Variants in INVS observed in about 807,000 individuals in gnomAD.
The protein encoded by INVS is inversin.
Under a neutral mutation model 108.8 loss-of-function variants are expected in INVS, and 86 were observed. The ratio of observed to expected loss-of-function variants is 0.79; its 90% CI spans 0.66 to 0.95. The LOEUF (loss-of-function observed/expected upper bound fraction) is 0.95. Among genes scored for constraint, INVS ranks in the 40% least tolerant of loss-of-function variants. INVS has a pLI of 0.00. For missense variants in INVS, 1,169 were observed against 1,297.4 expected (o/e 0.90, Z 1.52); for synonymous variants, 455 against 473.5 (o/e 0.96, Z 0.51).
chr9:100,210,033 A>G (rs747259973), intron 3 of INVS, among the ~76,000 whole-genome samples: 38 of 152,124 alleles, frequency 2.5e-4, no homozygotes, highest in Non-Finnish European at 4.9e-4. Context: ...GCTTAATTGC[A>G]TATACTTTCA....
intron 3 of INVS, among the ~76,000 whole-genome samples, chr9:100,166,208 C>T (rs938530602): frequency 1.3e-5 from 2 of 152,138 alleles, no homozygotes; most frequent in African/African-American, 4.8e-5. Context: ...ATCTGTTTGA[C>T]TCTAAAGTCT....
In INVS at chr9:100,292,204, G is replaced by A. The variant is rs1006629617; in HGVS notation, c.2069-122G>A. Reference sequence around the variant, plus strand: ...TAGAAGTTAAACCGTTTTTTTCCTAGTCTGTAACTGCCACTATTATGGTGA... The same window carrying A: ...TAGAAGTTAAACCGTTTTTTTCCTAATCTGTAACTGCCACTATTATGGTGA... On this transcript the variant is annotated intron_variant, in intron 13 of 16. Transcript: ENST00000262457. The A allele has an allele frequency of 5.6e-6, 5 of 900,584 alleles. No individual in the cohort carries two copies. In the Admixed American group the frequency reaches 7.6e-5, roughly 14 times the overall value. The allele number at this position is 900,584 out of a possible 1,614,324, so 55.8% of individuals were successfully genotyped here. A position where few individuals can be genotyped will look rare whatever the true frequency, so the allele number is the denominator to read the frequency against.
chr9:100,237,397 C>A (rs563576791), intron 5 of INVS, among the ~76,000 whole-genome samples: 41 of 152,256 alleles, frequency 2.7e-4, no homozygotes, highest in African/African-American at 9.9e-4. Context: ...CCAGGTGCCA[C>A]TGGGGTACAA....
chr9:100,162,177 T>C (rs1240298810), intron 3 of INVS, among the ~76,000 whole-genome samples: 1 of 152,192 alleles, frequency 6.6e-6, no homozygotes, highest in Non-Finnish European at 1.5e-5. Flanking sequence ...TGATTTCCTT[T>C]CCTGAAATAT....
chr9:100,201,489 CA>C (rs1317326023), intron 3 of INVS, among the ~76,000 whole-genome samples: 1 of 152,156 alleles, frequency 6.6e-6, no homozygotes, highest in Admixed American at 6.5e-5. Context: ...AAGGAGAAAG[CA>C]AACCACTTAG....
At chr9:100,299,552 C>A (rs1417004629) in intron 16 of INVS, among the ~76,000 whole-genome samples, 4 of 85,900 alleles carry the variant, frequency 4.7e-5, no homozygotes, top group Non-Finnish European at 9.3e-5. Context: ...TTTATTGACA[C>A]ACAACACACA....
At chr9:100,117,622 A>G in intron 2 of INVS, 1 of 163,316 alleles carries the variant, frequency 6.1e-6, no homozygotes, top group East Asian at 1.6e-4. Context: ...CCCCCCGCCC[A>G]CCTCCCGCTG....
At chr9:100,256,571 TTACACA>T (rs1250790579) in intron 10 of INVS, among the ~76,000 whole-genome samples, 1 of 152,174 alleles carries the variant, frequency 6.6e-6, no homozygotes, top group African/African-American at 2.4e-5. Context: ...AAATTTCCCT[TTACACA>T]GTGTTTTAAA....
intron 3 of INVS, among the ~76,000 whole-genome samples, chr9:100,139,181 G>C (rs1023942667): frequency 3.9e-5 from 6 of 151,944 alleles, no homozygotes; most frequent in African/African-American, 1.5e-4. Context: ...ATTTACCTAG[G>C]CTTACTCTTT....
At chr9:100,190,540 C>A (rs897089126) in intron 3 of INVS, among the ~76,000 whole-genome samples, 2 of 152,056 alleles carry the variant, frequency 1.3e-5, no homozygotes, top group Non-Finnish European at 2.9e-5. Context: ...TTTAGTATTT[C>A]TTGTAGAGCT....
At position 100,284,552 on chromosome 9, in the gene INVS, G is replaced by A; in HGVS notation, c.2017G>A (p.Glu673Lys). The change falls in exon 13 of 17, where the codon GAG becomes AAG. Residue 673 changes from glutamate (E) to lysine (K), a missense_variant. Glu to Lys is a moderately conservative substitution (Grantham distance 56, BLOSUM62 1). Transcript: ENST00000262457. ...GGSLGGALQKEQHVSSDLQGT... is the reference protein window; with the variant it reads ...GGSLGGALQKKQHVSSDLQGT... ...GTCTCTAGGCGGAGCCCTCCAGAAG[G>A]AGCAGCATGTTTCCTCAGATTTGCA... 2 of 1,613,906 alleles carry A rather than the reference G, an allele frequency of 1.2e-6. No homozygotes were observed. Among genetic ancestry groups the A allele is most frequent in the Non-Finnish European group, 1.7e-6 (2 of 1,179,844 alleles).
chr9:100,296,881 G>T, intron 14 of INVS, 36 bp from the exon 15 acceptor site: 3 of 1,533,990 alleles, frequency 2.0e-6, no homozygotes, highest in Non-Finnish European at 2.7e-6. Flanking sequence ...TCAGTACTGT[G>T]ATCTTAAAGC....
rs539057095 is a variant in INVS at position 100,142,836 on chromosome 9, C to T, written c.273+16287C>T. Among the ~76,000 whole-genome samples, 3 of 152,238 alleles carry T rather than the reference C, an allele frequency of 2.0e-5. No homozygotes were observed. In the South Asian group the frequency reaches 6.2e-4, roughly 32 times the overall value. On this transcript the variant is annotated intron_variant, in intron 3 of 16. Coordinates refer to ENST00000262457, the MANE Select transcript of INVS (RefSeq NM_014425.5). ...AGGTCCAGTTGTTTGGACAGAAAGG[C>T]TATAGGACGTGGTCCCAGCTCTTGT...
chr9:100,166,924 A>T (rs1829381731), intron 3 of INVS, among the ~76,000 whole-genome samples: 1 of 152,202 alleles, frequency 6.6e-6, no homozygotes, highest in South Asian at 2.1e-4. Flanking sequence ...AAAGCATGTC[A>T]GTCCTCTGCT....
At chr9:100,183,144 G>A (rs1182566715) in intron 3 of INVS, among the ~76,000 whole-genome samples, 1 of 152,050 alleles carries the variant, frequency 6.6e-6, no homozygotes, top group Non-Finnish European at 1.5e-5. Context: ...GGTAAGAGGA[G>A]GCATAGCATT....
chr9:100,272,925 G>A lies in INVS; in HGVS notation c.1633G>A (p.Glu545Lys). ...ERHEVIQFML[E>K]HGALSIAAIQ... ...CCATGAAGTGATCCAGTTCATGTTG[G>A]AGCACGGTGCCCTGTCCATCGCAGC... Residue 545 changes from glutamate to lysine, a missense_variant, in exon 12 of 17, where the codon GAG becomes AAG. By Grantham distance (56) the Glu-to-Lys change is moderately conservative. This residue lies in a region of INVS where 271 missense variants were observed against 363.8 expected (regional missense o/e 0.74). Coordinates refer to ENST00000262457, the MANE Select transcript of INVS (RefSeq NM_014425.5). The A allele has an allele frequency of 6.2e-7, 1 of 1,614,038 alleles. No individual in the cohort carries two copies. Among genetic ancestry groups the A allele is most frequent in the Non-Finnish European group, 8.5e-7 (1 of 1,180,016 alleles).
intron 12 of INVS, among the ~76,000 whole-genome samples, chr9:100,273,577 G>T (rs1228092943): frequency 8.5e-6 from 1 of 118,132 alleles, no homozygotes. Flanking sequence ...CTCACTTGCC[G>T]CCCAGGCTGG....
intron 12 of INVS, among the ~76,000 whole-genome samples, chr9:100,283,843 A>G (rs1451812009): frequency 6.6e-6 from 1 of 152,326 alleles, no homozygotes; most frequent in East Asian, 1.9e-4. Context: ...GGTACTTTGC[A>G]AGTGACTTTT....
Position 100,242,695 on chromosome 9 carries a change from CA to C in INVS, c.906+18del. 7.3e-7 allele frequency: 1 copy of C among 1,372,900 alleles called. No homozygotes were observed. The highest frequency in any genetic ancestry group is 1.0e-6 in the Non-Finnish European group (1 of 960,288). 85.0% of individuals were successfully genotyped at this position (1,372,900 alleles called of 1,614,324 possible). ...TAACTTTGCTGTAAGTAAAACAAGA[CA>C]ATGCTCTTTTTTCTTAGTGAAAATT... On this transcript the variant is annotated intron_variant, in intron 7 of 16. Transcript: ENST00000262457.
Sources: allele counts gnomAD v4.1 joint callset (sites outside exome capture counted in the v4.1 genomes callset), GRCh38; gene constraint gnomAD v4.1.1; regional missense constraint gnomAD v4.1.1; transcripts MANE v1.5; gene names NCBI Gene and HGNC (gene_info 2026-07-23, HGNC 2026-07-21).